Variants in GLRA2 observed in about 807,000 individuals in gnomAD.
GLRA2 encodes glycine receptor subunit alpha-2.
A neutral mutation model predicts 31.6 loss-of-function variants in GLRA2; 11 were observed. The ratio of observed to expected loss-of-function variants is 0.35; its 90% CI spans 0.22 to 0.58. The LOEUF (loss-of-function observed/expected upper bound fraction) is 0.58, where lower values mean the gene tolerates loss of function less well. Among genes scored for constraint, GLRA2 ranks in the 20% least tolerant of loss-of-function variants. The pLI, the probability that GLRA2 is intolerant of heterozygous loss-of-function variation, is 0.84. For missense variants in GLRA2, 212 were observed against 351.8 expected, an observed-to-expected ratio of 0.60 and a Z score of 3.18; for synonymous variants, 132 against 134.0, an observed-to-expected ratio of 0.99 and a Z score of 0.10.
intron 7 of GLRA2, among the ~76,000 whole-genome samples, chrX:14,682,557 T>C (rs888609204): frequency 9.0e-6 from 1 of 111,698 alleles, no homozygotes; most frequent in Admixed American, 9.5e-5. Context: ...AAATCTTTTT[T>C]TTTTTAATTA....
At chrX:14,512,105 C>A in the GLRA2 span, among the ~76,000 whole-genome samples, 1 of 111,530 alleles carries the variant, frequency 9.0e-6, no homozygotes. Context: ...AGCCATCAAC[C>A]ATTTGGCAAG....
intron 8 of GLRA2, among the ~76,000 whole-genome samples, chrX:14,691,420 A>G (rs1240533110): frequency 5.4e-5 from 6 of 110,860 alleles, no homozygotes. Flanking sequence ...TGTAGATTGC[A>G]ACATGATAAA....
chrX:14,609,585 A>G (rs1395855119), intron 7 of GLRA2, among the ~76,000 whole-genome samples: 1 of 111,285 alleles, frequency 9.0e-6, no homozygotes, highest in Non-Finnish European at 1.9e-5. Context: ...TGGTGAAACT[A>G]TTGCAATTCA....
chrX:14,717,765 G>T (rs2091811672), intron 8 of GLRA2, among the ~76,000 whole-genome samples: 2 of 108,427 alleles, frequency 1.8e-5, no homozygotes, highest in East Asian at 2.9e-4. Context: ...AAACCCATCG[G>T]TCAATAAACA....
chrX:14,709,743 A>AC (rs1382922141), intron 8 of GLRA2, among the ~76,000 whole-genome samples: 1 of 111,607 alleles, frequency 9.0e-6, no homozygotes, highest in African/African-American at 3.3e-5. Flanking sequence ...CCAATGCTCT[A>AC]CCTCTGAGCT....
At chrX:14,506,256 A>T in the GLRA2 span, among the ~76,000 whole-genome samples, 2 of 111,576 alleles carry the variant, frequency 1.8e-5, no homozygotes, top group African/African-American at 6.5e-5. Context: ...ACTTGATCTT[A>T]TGCAAAACCC....
intron 7 of GLRA2, among the ~76,000 whole-genome samples, chrX:14,620,014 T>C (rs2090497841): frequency 9.2e-6 from 1 of 109,081 alleles, no homozygotes. Context: ...TTTTTTTTTT[T>C]ACTGGTTATT....
chrX:14,485,545 C>T, the GLRA2 span, among the ~76,000 whole-genome samples: 1 of 111,657 alleles, frequency 9.0e-6, no homozygotes, highest in African/African-American at 3.3e-5. Context: ...TTACTATAGT[C>T]AAGGAAATTA....
intron 4 of GLRA2, among the ~76,000 whole-genome samples, chrX:14,594,953 A>C (rs893616939): frequency 1.8e-5 from 2 of 110,023 alleles, no homozygotes; most frequent in African/African-American, 6.6e-5. Context: ...AAAAAAAAAA[A>C]AAAAAAACAG....
At chrX:14,457,475 T>C in the GLRA2 span, among the ~76,000 whole-genome samples, 4 of 111,030 alleles carry the variant, frequency 3.6e-5, no homozygotes, top group Non-Finnish European at 5.7e-5. Context: ...TTGTGATAGT[T>C]TGCTGAGAAT....
At chrX:14,661,675 C>T (rs2090991602) in intron 7 of GLRA2, among the ~76,000 whole-genome samples, 1 of 109,792 alleles carries the variant, frequency 9.1e-6, no homozygotes, top group Non-Finnish European at 1.9e-5. Flanking sequence ...AGTTCGAAAC[C>T]AGCCTGGGCA....
At chrX:14,483,789 G>A in the GLRA2 span, among the ~76,000 whole-genome samples, 9 of 112,200 alleles carry the variant, frequency 8.0e-5, no homozygotes, top group African/African-American at 2.3e-4. Context: ...CTGTGAGGGT[G>A]TTGCCAAAGG....
At chrX:14,481,765 C>T in the GLRA2 span, among the ~76,000 whole-genome samples, 1 of 109,965 alleles carries the variant, frequency 9.1e-6, no homozygotes, top group African/African-American at 3.3e-5. Context: ...AGAGTGATTA[C>T]AATGTATGGT....
chrX:14,575,812 C>T (rs1324207380), intron 3 of GLRA2, among the ~76,000 whole-genome samples: 1 of 111,495 alleles, frequency 9.0e-6, no homozygotes, highest in Non-Finnish European at 1.9e-5. Flanking sequence ...GTGACATAGC[C>T]TATTGGATCA....
chrX:14,604,670 C>T (rs1010444790), intron 5 of GLRA2, among the ~76,000 whole-genome samples: 1 of 108,391 alleles, frequency 9.2e-6, no homozygotes, highest in African/African-American at 3.3e-5. Flanking sequence ...TTTCTCCCCC[C>T]GCCCAAAAAA....
At chrX:14,680,708 A>G (rs2091192477) in intron 7 of GLRA2, among the ~76,000 whole-genome samples, 1 of 112,307 alleles carries the variant, frequency 8.9e-6, no homozygotes, top group Admixed American at 9.4e-5. Flanking sequence ...TAATGCCAGC[A>G]CTTCAATGCT....
chrX:14,643,075 T>C (rs900715782), intron 7 of GLRA2, among the ~76,000 whole-genome samples: 7 of 111,869 alleles, frequency 6.3e-5, no homozygotes, highest in Non-Finnish European at 1.3e-4. Flanking sequence ...AGAAGGAATG[T>C]TGGCAGCCTT....
intron 7 of GLRA2, among the ~76,000 whole-genome samples, chrX:14,679,613 G>A (rs1017397026): frequency 1.0e-4 from 11 of 110,164 alleles, no homozygotes; most frequent in Non-Finnish European, 1.9e-4. Context: ...GCATATCCCG[G>A]TCACTGGGTT....
At chrX:14,515,148 C>T in the GLRA2 span, among the ~76,000 whole-genome samples, 5 of 111,331 alleles carry the variant, frequency 4.5e-5, no homozygotes, top group East Asian at 1.4e-3. Flanking sequence ...AATAACTTTG[C>T]AGATATATAA....
Sources: gnomAD v4.1 joint callset for allele counts (sites outside exome capture counted in the v4.1 genomes callset) on GRCh38, gnomAD v4.1.1 for gene constraint, MANE v1.5 for transcripts, NCBI Gene and HGNC (gene_info 2026-07-23, HGNC 2026-07-21) for gene names.